Variants in ABCC6 observed in about 807,000 individuals in gnomAD.
The protein encoded by ABCC6 is ATP-binding cassette sub-family C member 6.
A neutral mutation model predicts 169.5 loss-of-function variants in ABCC6; 126 were observed. That is an observed-to-expected ratio of 0.74 (90% CI 0.64 to 0.86). The LOEUF is 0.86. Among genes scored for constraint, ABCC6 ranks in the 40% least tolerant of loss-of-function variants. The probability of loss-of-function intolerance (pLI) is 0.00; values close to 1 mark genes in which losing one functional copy is unlikely to be tolerated. For missense variants in ABCC6, 1,733 were observed against 1,927.2 expected (o/e 0.90, Z 1.89); for synonymous variants, 752 against 814.7 (o/e 0.92, Z 1.31).
chr16:16,200,952 T>A (rs2048216716), intron 9 of ABCC6, among the ~76,000 whole-genome samples: 1 of 151,860 alleles, frequency 6.6e-6, no homozygotes, highest in Admixed American at 6.6e-5. Context: ...CAGATGCAAT[T>A]TGGGTTTTTT....
Position 16,195,037 on chromosome 16 carries a change from T to C in ABCC6, c.1339-2115A>G, listed in dbSNP as rs529166073. Among the ~76,000 whole-genome samples the C allele has an allele frequency of 7.2e-5, 11 of 152,216 alleles. No homozygotes were observed. In the South Asian group the frequency reaches 1.7e-3, roughly 23 times the overall value. ...TGTTTCATTTATGCGGCAATGGCGC[T>C]ACCTAGTGGCTCAATGGAGAAGGGC... is the stretch of plus-strand genomic sequence containing the variant. On this transcript the variant is annotated intron_variant, in intron 10 of 30. Coordinates refer to ENST00000205557, the MANE Select transcript of ABCC6 (RefSeq NM_001171.6).
chr16:16,187,325 T>C, intron 13 of ABCC6, 114 bp from the exon 14 acceptor site: 2 of 856,914 alleles, frequency 2.3e-6, no homozygotes, highest in South Asian at 1.4e-5. Context: ...GCTCTGTGCA[T>C]AGGAGGCGTG....
chr16:16,157,763 TG>T lies in ABCC6; in HGVS notation c.3781del (p.Gln1261ArgfsTer12). ...PTCAAQPPWP[Q>X]GGQIEFRDFG... ...GTCCCGGAACTCGATCTGCCCGCCC[TG>T]AGGCCAGGGGGGCTGAGCTGCACAT... On this transcript the variant is annotated frameshift_variant, in exon 27 of 31. Transcript: ENST00000205557. LOFTEE classifies it high-confidence loss of function. 3 of 1,613,716 alleles carry T rather than the reference TG, an allele frequency of 1.9e-6. No homozygotes were observed. The highest frequency in any genetic ancestry group is 2.5e-6 in the Non-Finnish European group (3 of 1,179,988).
In ABCC6 at chr16:16,182,137, T is replaced by C. The variant is rs576055413; in HGVS notation, c.2247+275A>G. Among the ~76,000 whole-genome samples, 32 of 151,994 alleles carry C rather than the reference T, an allele frequency of 2.1e-4. 1 individual carries two copies. The East Asian group carries it at 6.2e-3, about 30-fold the overall frequency. On this transcript the variant is annotated intron_variant, in intron 17 of 30. Transcript: ENST00000205557. ...AAGGCAGGGCAGAGTAAGACAGGAG[T>C]CTAGGTCTTCTCACTCTCAGTTGTC...
At position 16,182,848 on chromosome 16, in the gene ABCC6, G is replaced by A; in HGVS notation, c.2026C>T (p.Leu676Phe). The A allele has an allele frequency of 6.2e-7, 1 of 1,614,126 alleles. No homozygotes were observed. Residue 676 changes from leucine to phenylalanine, a missense_variant, in exon 16 of 31, where the codon CTC (leucine) becomes TTC (phenylalanine). Leu to Phe is a conservative substitution (Grantham distance 22). This residue lies in a region of ABCC6 where 1,601 missense variants were observed against 1,635.5 expected (regional missense o/e 0.98). Transcript: ENST00000205557. ...TCCACCTTTGACAGCTCCCCAAGGAGGGCGGACAGCAGGGAGGACTTCCCT... is the reference window on the plus strand; with the variant it reads ...TCCACCTTTGACAGCTCCCCAAGGAAGGCGGACAGCAGGGAGGACTTCCCT... The part of the protein sequence containing the change: ...GAGKSSLLSA[L>F]LGELSKVEGF...
intron 4 of ABCC6, among the ~76,000 whole-genome samples, chr16:16,215,545 C>A (rs1189753440): frequency 6.7e-6 from 1 of 150,092 alleles, no homozygotes. Flanking sequence ...ATGATCTTGG[C>A]TCACTGCACC....
intron 18 of ABCC6, among the ~76,000 whole-genome samples, chr16:16,178,154 T>G (rs1205884363): frequency 6.6e-6 from 1 of 151,608 alleles, no homozygotes; most frequent in Admixed American, 6.6e-5. Flanking sequence ...GGTGAAACCC[T>G]TTCTCTACTA....
At position 16,161,492 on chromosome 16, in the gene ABCC6, G is replaced by C; in HGVS notation, c.3579C>G (p.Ser1193Arg). Reference sequence around the variant, plus strand: ...CGAGGCCAGCACTGAGGTGGGCTTTGCTCAGCACAGCACACGTGGCAGCTG... The same window carrying C: ...CGAGGCCAGCACTGAGGTGGGCTTTCCTCAGCACAGCACACGTGGCAGCTG... ...VFAAATCAVL[S>R]KAHLSAGLVG... Residue 1193 changes from serine (S) to arginine (R), a missense_variant, in exon 25 of 31, where the codon AGC (serine) becomes AGG (arginine). Ser to Arg is a moderately radical substitution (Grantham distance 110). Around this residue, in one of 5 missense-constraint regions of ABCC6, gnomAD observed 1,601 missense variants for 1,635.5 expected, o/e 0.98. Transcript: ENST00000205557. The C allele has an allele frequency of 6.2e-7, 1 of 1,614,016 alleles. No homozygotes were observed. The highest frequency in any genetic ancestry group is 8.5e-7 in the Non-Finnish European group (1 of 1,180,032).
intron 10 of ABCC6, 143 bp downstream of exon 10, chr16:16,197,878 C>T (rs2048102357): frequency 3.1e-6 from 3 of 978,090 alleles, no homozygotes; most frequent in Admixed American, 2.1e-5. Context: ...CTCAGACTTG[C>T]CCTAACCCTG....
chr16:16,157,850 T>C, intron 26 of ABCC6, 41 bp from the exon 27 acceptor site: 2 of 1,591,146 alleles, frequency 1.3e-6, no homozygotes, highest in Non-Finnish European at 1.7e-6. Context: ...AGCCTTCCTC[T>C]AAGACTTCAC....
chr16:16,159,438 A>T, intron 26 of ABCC6, 44 bp downstream of exon 26: 1 of 1,387,792 alleles, frequency 7.2e-7, no homozygotes, highest in Non-Finnish European at 1.0e-6. Context: ...CCCCCCCCAC[A>T]ATATGTCCTT....
intron 16 of ABCC6, 47 bp from the exon 17 acceptor site, chr16:16,182,635 G>A (rs2047515570): frequency 6.2e-7 from 1 of 1,604,058 alleles, no homozygotes; most frequent in Non-Finnish European, 8.5e-7. Flanking sequence ...GGGGACAGAG[G>A]TGGGATAGGT....
At chr16:16,156,798 C>T (rs896004468) in intron 27 of ABCC6, among the ~76,000 whole-genome samples, 1 of 151,718 alleles carries the variant, frequency 6.6e-6, no homozygotes, top group African/African-American at 2.4e-5. Flanking sequence ...CAAAAATTAG[C>T]CGGGTGTGGT....
chr16:16,171,989 ATGGGATGGATAAATGGGAGGG>A (rs1436304657), intron 21 of ABCC6, among the ~76,000 whole-genome samples: 1 of 83,544 alleles, frequency 1.2e-5, no homozygotes, highest in African/African-American at 4.2e-5. Flanking sequence ...AAATAAGTGG[ATGGGATGGATAAATGGGAGGG>A]TGGGATGGAT....
At chr16:16,206,801 C>G (rs1233869917) in intron 7 of ABCC6, among the ~76,000 whole-genome samples, 1 of 152,086 alleles carries the variant, frequency 6.6e-6, no homozygotes, top group Non-Finnish European at 1.5e-5. Context: ...CCTTCCAGAG[C>G]CCCTGTGGAC....
At position 16,198,181 on chromosome 16, in the gene ABCC6, A is replaced by T. The variant is rs1405763963; in HGVS notation, c.1178T>A (p.Val393Asp). Residue 393 changes from valine (V) to aspartate (D), a missense_variant and splice_region_variant, in exon 10 of 31, where the codon GTC becomes GAC. Val to Asp is a radical substitution (Grantham distance 152). Around this residue, in one of 5 missense-constraint regions of ABCC6, gnomAD observed 1,601 missense variants for 1,635.5 expected, o/e 0.98. Coordinates refer to ENST00000205557, the MANE Select transcript of ABCC6 (RefSeq NM_001171.6). Reference protein sequence around the residue: ...SAITGLVYRKVLALSSGSRKA... With the variant: ...SAITGLVYRKDLALSSGSRKA... ...TCTGGAGCCGCTGGACAGAGCCAGG[A>T]CCTGGCGGGTGGGCAGAAGGAGAGA... 6.3e-7 allele frequency: 1 copy of T among 1,594,214 alleles called. No individual in the cohort carries two copies. The highest frequency in any genetic ancestry group is 1.3e-5 in the African/African-American group (1 of 74,710).
intron 9 of ABCC6, among the ~76,000 whole-genome samples, chr16:16,200,216 G>A (rs2048192431): frequency 6.6e-6 from 1 of 152,258 alleles, no homozygotes; most frequent in Admixed American, 6.5e-5. Context: ...TGGATCACCT[G>A]AGGTCAGGAG....
chr16:16,162,012 T>C (rs1239667445), intron 24 of ABCC6, among the ~76,000 whole-genome samples: 1 of 152,132 alleles, frequency 6.6e-6, no homozygotes, highest in African/African-American at 2.4e-5. Context: ...CACAAGATCA[T>C]ATGGCGTAAA....
intron 9 of ABCC6, among the ~76,000 whole-genome samples, chr16:16,200,975 T>G (rs1298069112): frequency 1.3e-5 from 2 of 152,136 alleles, no homozygotes; most frequent in African/African-American, 4.8e-5. Context: ...TTTTGTTTTT[T>G]TTTTGTTCTG....
Sources: allele counts gnomAD v4.1 joint callset (sites outside exome capture counted in the v4.1 genomes callset), GRCh38; gene constraint gnomAD v4.1.1; regional missense constraint gnomAD v4.1.1; transcripts MANE v1.5; gene names NCBI Gene and HGNC (gene_info 2026-07-23, HGNC 2026-07-21).